Variants in MTHFD2L observed in about 807,000 individuals in gnomAD.
MTHFD2L encodes the protein methylenetetrahydrofolate dehydrogenase (NADP+ dependent) 2 like, also known as bifunctional methylenetetrahydrofolate dehydrogenase/cyclohydrolase 2, mitochondrial.
In MTHFD2L, 29 loss-of-function variants were observed where a neutral mutation model predicts 34.9. That is an observed-to-expected ratio of 0.83 (90% CI 0.62 to 1.13). The LOEUF is 1.13. Among genes scored for constraint, MTHFD2L ranks in the 50% most tolerant of loss-of-function variants. The probability of loss-of-function intolerance (pLI) is 0.00; values close to 1 mark genes in which losing one functional copy is unlikely to be tolerated. For synonymous variants in MTHFD2L, 167 were observed against 155.7 expected, an observed-to-expected ratio of 1.07 and a Z score of -0.54; for missense variants, 481 against 446.5, an observed-to-expected ratio of 1.08 and a Z score of -0.70.
At chr4:74,159,730 A>G (rs1469735416) in intron 1 of MTHFD2L, among the ~76,000 whole-genome samples, 3 of 152,232 alleles carry the variant, frequency 2.0e-5, no homozygotes, top group Non-Finnish European at 4.4e-5. Context: ...TTATAATTTA[A>G]AATAGTTGAG....
chr4:74,195,002 G>A (rs1396670215), intron 3 of MTHFD2L: 1 of 152,226 alleles, frequency 6.6e-6, no homozygotes, highest in Admixed American at 6.5e-5. Flanking sequence ...TCTTTTAACA[G>A]TGAGAATGTG....
chr4:74,167,799 A>G (rs926862314), intron 1 of MTHFD2L, among the ~76,000 whole-genome samples: 2 of 152,242 alleles, frequency 1.3e-5, no homozygotes, highest in African/African-American at 4.8e-5. Context: ...CAGTGAGGCT[A>G]AAGTAGCTCA....
At chr4:74,168,383 A>G (rs1727208591) in intron 1 of MTHFD2L, among the ~76,000 whole-genome samples, 2 of 152,200 alleles carry the variant, frequency 1.3e-5, no homozygotes, top group Non-Finnish European at 2.9e-5. Flanking sequence ...CTTTTCTTCC[A>G]GAAATCTACA....
intron 5 of MTHFD2L, among the ~76,000 whole-genome samples, chr4:74,203,632 G>A (rs542101070): frequency 1.3e-5 from 2 of 152,216 alleles, no homozygotes; most frequent in East Asian, 3.9e-4. Context: ...TGGGGGAGGT[G>A]CCATACACTT....
upstream of MTHFD2L, chr4:74,157,806 G>A: frequency 1.9e-6 from 1 of 523,774 alleles, no homozygotes; most frequent in South Asian, 1.5e-5. Context: ...GTGATAGTTT[G>A]GAGGCCTTCT....
At chr4:74,229,504 G>A (rs74495291) in intron 6 of MTHFD2L, among the ~76,000 whole-genome samples, 1 of 152,108 alleles carries the variant, frequency 6.6e-6, no homozygotes, top group Non-Finnish European at 1.5e-5. Context: ...GGAGGATTGC[G>A]TGATATATAT....
chr4:74,179,114 T>C (rs1276764026), intron 3 of MTHFD2L, among the ~76,000 whole-genome samples: 1 of 151,892 alleles, frequency 6.6e-6, no homozygotes, highest in East Asian at 1.9e-4. Flanking sequence ...CACAGGGAGG[T>C]TAAGTGAATT....
intron 3 of MTHFD2L, among the ~76,000 whole-genome samples, chr4:74,181,986 A>C (rs549918057): frequency 6.6e-6 from 1 of 152,312 alleles, no homozygotes; most frequent in Non-Finnish European, 1.5e-5. Context: ...AAATTTATGT[A>C]TCCAGAACAC....
At chr4:74,233,560 A>G (rs980381932) in intron 6 of MTHFD2L, among the ~76,000 whole-genome samples, 2 of 152,046 alleles carry the variant, frequency 1.3e-5, no homozygotes, top group Non-Finnish European at 2.9e-5. Flanking sequence ...TGGTGAGCCA[A>G]TCACTAAAAT....
chr4:74,200,200 T>A (rs1232318684), intron 4 of MTHFD2L, among the ~76,000 whole-genome samples: 1 of 152,068 alleles, frequency 6.6e-6, no homozygotes, highest in Non-Finnish European at 1.5e-5. Flanking sequence ...TAGTCCCAGC[T>A]ACCTCGGAGG....
At chr4:74,127,519 G>A (rs1722166103) in intron 1 of MTHFD2L, among the ~76,000 whole-genome samples, 1 of 151,986 alleles carries the variant, frequency 6.6e-6, no homozygotes, top group South Asian at 2.1e-4. Flanking sequence ...TCTGTGCTTG[G>A]CTTATTTCAC....
At chr4:74,289,851 G>C (rs1388265610) in intron 7 of MTHFD2L, among the ~76,000 whole-genome samples, 1 of 152,110 alleles carries the variant, frequency 6.6e-6, no homozygotes, top group African/African-American at 2.4e-5. Context: ...GCCAGTTCTG[G>C]AATCCTCTTG....
intron 6 of MTHFD2L, among the ~76,000 whole-genome samples, chr4:74,244,607 C>G (rs192798142): frequency 6.6e-6 from 1 of 152,244 alleles, no homozygotes; most frequent in East Asian, 1.9e-4. Flanking sequence ...ATCCACAAAA[C>G]TCAATGAAAT....
chr4:74,260,851 CAT>C (rs1040497636), intron 6 of MTHFD2L, among the ~76,000 whole-genome samples: 5 of 151,634 alleles, frequency 3.3e-5, no homozygotes, highest in African/African-American at 9.7e-5. Context: ...AAATATTACT[CAT>C]AACCTTCTAT....
chr4:74,118,485 C>T (rs1266645437), upstream of MTHFD2L, among the ~76,000 whole-genome samples: 1 of 152,096 alleles, frequency 6.6e-6, no homozygotes, highest in African/African-American at 2.4e-5. Context: ...GAATTGCATT[C>T]CCTGTAAATG....
At chr4:74,251,673 C>T (rs1408170585) in intron 6 of MTHFD2L, among the ~76,000 whole-genome samples, 1 of 152,078 alleles carries the variant, frequency 6.6e-6, no homozygotes, top group Non-Finnish European at 1.5e-5. Flanking sequence ...CTAAGTATCC[C>T]CCTCCCTAAA....
chr4:74,171,360 T>C (rs551172162), intron 1 of MTHFD2L, among the ~76,000 whole-genome samples: 101 of 152,322 alleles, frequency 6.6e-4, no homozygotes, highest in African/African-American at 2.4e-3. Context: ...TGATGACAAG[T>C]ATATGGAGCA....
chr4:74,260,118 A>G (rs905436183), intron 6 of MTHFD2L, among the ~76,000 whole-genome samples: 1 of 152,178 alleles, frequency 6.6e-6, no homozygotes, highest in Non-Finnish European at 1.5e-5. Context: ...TCTCTGTGTC[A>G]ACTCAATTGC....
At chr4:74,162,991 T>C (rs566686994) in intron 1 of MTHFD2L, among the ~76,000 whole-genome samples, 34 of 152,364 alleles carry the variant, frequency 2.2e-4, no homozygotes, top group African/African-American at 7.2e-4. Context: ...CAGTTTGAGA[T>C]GTTCTTAACC....
Sources: gnomAD v4.1 joint callset for allele counts (sites outside exome capture counted in the v4.1 genomes callset) on GRCh38, gnomAD v4.1.1 for gene constraint, MANE v1.5 for transcripts, NCBI Gene and HGNC (gene_info 2026-07-23, HGNC 2026-07-21) for gene names.